The following NBEAL1 variants were observed in gnomAD, a reference collection of about 807,000 sequenced individuals.
NBEAL1 encodes the protein neurobeachin like 1.
In NBEAL1, 273 loss-of-function variants were observed where a neutral mutation model predicts 351.3. That is an observed-to-expected ratio of 0.78 (90% CI 0.70 to 0.86). The LOEUF (loss-of-function observed/expected upper bound fraction) is 0.86, where lower values mean the gene tolerates loss of function less well. NBEAL1 is among the 40% of genes least tolerant of loss of function. The pLI is 0.00. For synonymous variants in NBEAL1, 1,050 were observed against 1,086.4 expected, an observed-to-expected ratio of 0.97 and a Z score of 0.66; for missense variants, 2,961 against 3,201.3, an observed-to-expected ratio of 0.92 and a Z score of 1.81.
intron 44 of NBEAL1, among the ~76,000 whole-genome samples, chr2:203,184,383 A>T (rs2064832759): frequency 6.6e-6 from 1 of 152,220 alleles, no homozygotes. Flanking sequence ...ATGAGCTGAG[A>T]TCGCACCACT....
At chr2:203,078,403 G>A (rs374422244) in intron 8 of NBEAL1, among the ~76,000 whole-genome samples, 4 of 151,968 alleles carry the variant, frequency 2.6e-5, no homozygotes, top group Non-Finnish European at 5.9e-5. Flanking sequence ...GCAGAAGTGC[G>A]ACTATTGGCT....
At chr2:203,048,882 CTT>C (rs71408913) in intron 3 of NBEAL1, among the ~76,000 whole-genome samples, 13,963 of 143,508 alleles carry the variant, frequency 0.097, 745 homozygotes, top group Non-Finnish European at 0.13. Flanking sequence ...TCTACATTTC[CTT>C]TTTTTTTTTT....
At chr2:203,191,271 C>T in intron 46 of NBEAL1, 1 of 1,209,630 alleles carries the variant, frequency 8.3e-7, no homozygotes, top group Non-Finnish European at 1.2e-6. Context: ...AATGCCCAGC[C>T]AGTTAAGCAC....
chr2:203,028,201 A>G (rs2060891444), intron 2 of NBEAL1, among the ~76,000 whole-genome samples: 1 of 150,642 alleles, frequency 6.6e-6, no homozygotes, highest in Non-Finnish European at 1.5e-5. Context: ...TTTTTTTTTA[A>G]GAGACAGGGT....
chr2:203,131,904 A>G, intron 25 of NBEAL1, 69 bp from the exon 26 acceptor site: 1 of 1,156,742 alleles, frequency 8.6e-7, no homozygotes, highest in Admixed American at 3.2e-5. Flanking sequence ...ATAAGTTAAC[A>G]TTTTTAATGT....
chr2:203,210,922 A>G, intron 53 of NBEAL1, 36 bp from the exon 54 acceptor site: 2 of 1,372,852 alleles, frequency 1.5e-6, no homozygotes, highest in South Asian at 1.5e-5. Flanking sequence ...CTCAGTTTTT[A>G]TTTGAAATTG....
chr2:203,201,824 G>C, intron 50 of NBEAL1, 109 bp downstream of exon 50: 1 of 842,384 alleles, frequency 1.2e-6, no homozygotes, highest in Non-Finnish European at 1.7e-6. Flanking sequence ...CTTTGAAGCT[G>C]AGTGAACTTT....
At position 203,015,546 on chromosome 2, in the gene NBEAL1, T is replaced by G. The variant is rs894961488; in HGVS notation, c.-230+564T>G. ...CGTGATCTGGGCTCACTGCAGCCTC[T>G]GCCTCCCGGGTTCAAGCAATTCTCC... On this transcript the variant is annotated intron_variant, in intron 1 of 55. Transcript: ENST00000683969. 2.0e-5 allele frequency among the ~76,000 whole-genome samples: 3 copies of G among 151,974 alleles called. No individual in the cohort carries two copies. The South Asian group carries it at 6.2e-4, about 32-fold the overall frequency.
Position 203,209,294 on chromosome 2 carries a change from C to T in NBEAL1, c.7757C>T (p.Ser2586Phe), listed in dbSNP as rs1414192846. 3.7e-6 allele frequency: 6 copies of T among 1,613,720 alleles called. No individual in the cohort carries two copies. Among genetic ancestry groups the T allele is most frequent in the Non-Finnish European group, 5.1e-6 (6 of 1,179,828 alleles). The change falls in exon 53 of 56, where the codon TCC becomes TTC. Residue 2586 changes from serine to phenylalanine, a missense_variant. Ser to Phe is a radical substitution (Grantham distance 155). Coordinates refer to ENST00000683969, the MANE Select transcript of NBEAL1 (RefSeq NM_001378026.1). Reference protein sequence around the residue: ...ISWEGHIVVYSSTEEKTTLKD... With the variant: ...ISWEGHIVVYFSTEEKTTLKD... ...TGGGAAGGACATATTGTTGTCTACT[C>T]CAGCACTGAAGAAAAGACCACCCTC...
intron 2 of NBEAL1, among the ~76,000 whole-genome samples, chr2:203,028,181 C>T (rs2060890833): frequency 6.6e-6 from 1 of 151,600 alleles, no homozygotes; most frequent in Admixed American, 6.6e-5. Flanking sequence ...TGAGCCTGGC[C>T]CAATTTTTTT....
chr2:203,108,053 T>A lies in NBEAL1; in HGVS notation c.1814T>A (p.Met605Lys). The A allele has an allele frequency of 1.3e-6, 2 of 1,552,968 alleles. No homozygotes were observed. Among genetic ancestry groups the A allele is most frequent in the Non-Finnish European group, 1.7e-6 (2 of 1,147,376 alleles). Reference protein sequence around the residue: ...ALQYFNLSHSMAGISVPPIQK... With the variant: ...ALQYFNLSHSKAGISVPPIQK... ...CAGTATTTCAATTTGTCACATAGTA[T>A]GGCAGGAATTTCTGTGCCTCCCATA... Residue 605 changes from methionine (M) to lysine (K), a missense_variant, in exon 14 of 56, where the codon ATG becomes AAG. Met to Lys is a moderately conservative substitution (Grantham distance 95). Coordinates refer to ENST00000683969, the MANE Select transcript of NBEAL1 (RefSeq NM_001378026.1).
At chr2:203,020,905 A>G (rs908160104) in intron 2 of NBEAL1, among the ~76,000 whole-genome samples, 2 of 152,198 alleles carry the variant, frequency 1.3e-5, no homozygotes, top group Non-Finnish European at 2.9e-5. Flanking sequence ...TAATACTAGT[A>G]CTTAAGTATA....
chr2:203,048,020 A>G (rs569892929), intron 3 of NBEAL1, among the ~76,000 whole-genome samples: 2 of 152,190 alleles, frequency 1.3e-5, no homozygotes, highest in African/African-American at 4.8e-5. Context: ...GGCCAGAAAC[A>G]GGTTTATAAG....
At chr2:203,198,788 G>A (rs935623549) in intron 48 of NBEAL1, among the ~76,000 whole-genome samples, 4 of 151,340 alleles carry the variant, frequency 2.6e-5, no homozygotes, top group South Asian at 2.1e-4. Context: ...GCTTGCGCCC[G>A]GGAGGTTGTA....
intron 33 of NBEAL1, among the ~76,000 whole-genome samples, chr2:203,145,421 C>T (rs1284600892): frequency 6.6e-6 from 1 of 152,020 alleles, no homozygotes; most frequent in Non-Finnish European, 1.5e-5. Flanking sequence ...GGATACATAC[C>T]ATCACTTAGA....
Position 203,116,051 on chromosome 2 carries a change from T to G in NBEAL1, c.2573T>G (p.Leu858Arg). Reference protein sequence around the residue: ...SDMADLPGNILLYYTAKACKN... With the variant: ...SDMADLPGNIRLYYTAKACKN... ...ATGGCCGACCTGCCTGGTAACATCC[T>G]TCTTTACTACACAGCAAAGGTCAGA... Residue 858 changes from leucine to arginine, a missense_variant, in exon 18 of 56, where the codon CTT (leucine) becomes CGT (arginine). By Grantham distance (102) the Leu-to-Arg change is moderately radical. Transcript: ENST00000683969. The G allele has an allele frequency of 6.4e-7, 1 of 1,553,378 alleles. No individual in the cohort carries two copies. Among genetic ancestry groups the G allele is most frequent in the Non-Finnish European group, 8.7e-7 (1 of 1,147,126 alleles).
At chr2:203,126,954 T>A (rs1026082368) in intron 23 of NBEAL1, 28 bp downstream of exon 23, 2 of 1,429,996 alleles carry the variant, frequency 1.4e-6, no homozygotes, top group Non-Finnish European at 1.9e-6. Flanking sequence ...TTTCTCAGTT[T>A]GATATATTAT....
rs374508841 is a variant in NBEAL1 at position 203,142,402 on chromosome 2, C to A, written c.4849-2198C>A. ...AACTCCTGACCTCAGGTGATCTGCC[C>A]GCCTCAGCCTCCCAAAGTGCTGGGA... is the stretch of plus-strand genomic sequence containing the variant. On this transcript the variant is annotated intron_variant, in intron 31 of 55. Transcript: ENST00000683969. Among the ~76,000 whole-genome samples the A allele has an allele frequency of 2.6e-5, 4 of 152,196 alleles. No individual in the cohort carries two copies. The East Asian group carries it at 7.7e-4, about 29-fold the overall frequency.
intron 55 of NBEAL1, among the ~76,000 whole-genome samples, chr2:203,216,415 A>T (rs2065896570): frequency 1.3e-5 from 2 of 152,106 alleles, no homozygotes; most frequent in Admixed American, 6.6e-5. Flanking sequence ...TAGAAAAGAA[A>T]ATCTCCAAAC....
Sources: allele counts gnomAD v4.1 joint callset (sites outside exome capture counted in the v4.1 genomes callset), GRCh38; gene constraint gnomAD v4.1.1; transcripts MANE v1.5; gene names NCBI Gene and HGNC (gene_info 2026-07-23, HGNC 2026-07-21).